The following CPNE2 variants were observed in gnomAD, a reference collection of about 807,000 sequenced individuals.
The protein encoded by CPNE2 is copine 2.
In CPNE2, 42 loss-of-function variants were observed where a neutral mutation model predicts 69.7. The observed-to-expected ratio is 0.60, with a 90% CI of 0.47 to 0.78. CPNE2 has a LOEUF of 0.78. Ranked by LOEUF, CPNE2 falls within the 30% of genes least tolerant of loss-of-function variation. The pLI is 0.00. For synonymous variants in CPNE2, 294 were observed against 289.8 expected (o/e 1.01, Z -0.15); for missense variants, 587 against 732.0 (o/e 0.80, Z 2.29).
At chr16:57,125,764 C>A in intron 10 of CPNE2, 96 bp from the exon 11 acceptor site, 1 of 1,474,660 alleles carries the variant, frequency 6.8e-7, no homozygotes. Context: ...GATGAGTGGG[C>A]TTCCCATGTC....
intron 5 of CPNE2, 133 bp downstream of exon 5, chr16:57,117,700 C>T (rs2069730127): frequency 2.1e-6 from 2 of 931,348 alleles, no homozygotes; most frequent in Admixed American, 2.1e-5. Context: ...ACGGGGCCCT[C>T]CTGGCCACTC....
At chr16:57,122,056 A>G (rs548801585) in intron 9 of CPNE2, among the ~76,000 whole-genome samples, 2 of 152,356 alleles carry the variant, frequency 1.3e-5, no homozygotes, top group African/African-American at 4.8e-5. Context: ...GAGAATTGTC[A>G]TTGCGAGTTG....
In CPNE2 at chr16:57,146,899, T is replaced by A. The variant is rs2069962755; in HGVS notation, c.1539+578T>A. ...ATCACTGCCCTAGCAGCAGGGTCCATGAGGAGTCCCATAGGGGAGCAGTCT... is the reference window on the plus strand; with the variant it reads ...ATCACTGCCCTAGCAGCAGGGTCCAAGAGGAGTCCCATAGGGGAGCAGTCT... On this transcript the variant is annotated intron_variant, in intron 15 of 15. Coordinates refer to ENST00000290776, the MANE Select transcript of CPNE2 (RefSeq NM_152727.6). The surrounding 1 kb of genome is among the most constrained non-coding windows in gnomAD (Gnocchi z 4.4). 6.3e-6 allele frequency: 1 copy of A among 158,454 alleles called. No homozygotes were observed. The highest frequency in any genetic ancestry group is 1.4e-5 in the Non-Finnish European group (1 of 71,698). The allele number at this position is 158,454 out of a possible 1,614,324, so 9.8% of individuals were successfully genotyped here. A position where few individuals can be genotyped will look rare whatever the true frequency, so the allele number is the denominator to read the frequency against.
At position 57,095,974 on chromosome 16, in the gene CPNE2, G is replaced by C. The variant is rs965926421; in HGVS notation, c.-36+3184G>C. ...CCAAAGGGTGTCAGATCCACAAAAA[G>C]GCAAGAGCAAACAGTGTCTGTCTTG... is the stretch of plus-strand genomic sequence containing the variant. On this transcript the variant is annotated intron_variant, in intron 1 of 15. Coordinates refer to ENST00000290776, the MANE Select transcript of CPNE2 (RefSeq NM_152727.6). Among the ~76,000 whole-genome samples, 28 of 152,242 alleles carry C rather than the reference G, an allele frequency of 1.8e-4. 1 individual carries two copies. The highest frequency in any genetic ancestry group is 6.8e-4 in the African/African-American group (28 of 41,470).
At chr16:57,119,753 A>T in intron 7 of CPNE2, 103 bp downstream of exon 7, 1 of 716,578 alleles carries the variant, frequency 1.4e-6, no homozygotes, top group Non-Finnish European at 2.3e-6. Flanking sequence ...TTCTCATACA[A>T]GTGGAACGAA....
chr16:57,138,230 C>T (rs1240601567), intron 14 of CPNE2, among the ~76,000 whole-genome samples: 11 of 152,156 alleles, frequency 7.2e-5, no homozygotes, highest in Admixed American at 7.2e-4. Flanking sequence ...CTTCCACCTC[C>T]ATTGAAAGAA....
At chr16:57,117,604 G>A (rs2069729290) in intron 5 of CPNE2, 37 bp downstream of exon 5, 1 of 1,606,120 alleles carries the variant, frequency 6.2e-7, no homozygotes, top group Non-Finnish European at 8.5e-7. Flanking sequence ...ATTGGGAACA[G>A]TAGCCCCCAC....
intron 1 of CPNE2, among the ~76,000 whole-genome samples, chr16:57,103,822 G>A (rs1343503772): frequency 6.6e-6 from 1 of 152,220 alleles, no homozygotes; most frequent in African/African-American, 2.4e-5. Context: ...CAGCCATTAA[G>A]AATCACTGAT....
chr16:57,119,116 G>A (rs2069741871), intron 5 of CPNE2, 79 bp from the exon 6 acceptor site: 4 of 1,261,512 alleles, frequency 3.2e-6, no homozygotes, highest in Non-Finnish European at 4.6e-6. Context: ...CGGCTGGGGA[G>A]GCAGCAGGGC....
chr16:57,124,375 C>A (rs1176305240), intron 10 of CPNE2: 1 of 456,408 alleles, frequency 2.2e-6, no homozygotes, highest in Non-Finnish European at 4.4e-6. Flanking sequence ...AGTCACTGGG[C>A]CTGGCCCTCA....
intron 2 of CPNE2, 73 bp downstream of exon 2, chr16:57,110,995 C>T (rs1424754668): frequency 2.8e-6 from 4 of 1,424,802 alleles, no homozygotes; most frequent in Non-Finnish European, 2.9e-6. Context: ...TCTCCCAGGA[C>T]TGGGATCCAG....
Position 57,137,229 on chromosome 16 carries a change from G to C in CPNE2, c.1249G>C (p.Val417Leu), listed in dbSNP as rs186013874. The C allele has an allele frequency of 1.4e-5, 22 of 1,614,084 alleles. No homozygotes were observed. The highest frequency in any genetic ancestry group is 1.7e-5 in the Non-Finnish European group (20 of 1,180,024). Residue 417 changes from valine to leucine, a missense_variant, in exon 14 of 16, where the codon GTC becomes CTC. Physicochemically the swap from Val to Leu is conservative, Grantham distance 32 (BLOSUM62 1). Around this residue, in one of 5 missense-constraint regions of CPNE2, gnomAD observed 185 missense variants for 252.3 expected, o/e 0.73. Coordinates refer to ENST00000290776, the MANE Select transcript of CPNE2 (RefSeq NM_152727.6). ...FYGPTNFSPI[V>L]NHVARFAAQA... Reference sequence around the variant, plus strand: ...CGGTCCTACCAATTTCTCCCCCATCGTCAACCACGTGGCCCGGTTTGCGGC... The same window carrying C: ...CGGTCCTACCAATTTCTCCCCCATCCTCAACCACGTGGCCCGGTTTGCGGC...
chr16:57,125,573 G>C (rs1350949439), intron 10 of CPNE2: 1 of 461,668 alleles, frequency 2.2e-6, no homozygotes, highest in African/African-American at 2.0e-5. Flanking sequence ...TGAATGTGTG[G>C]ATAGGGATAG....
Position 57,147,613 on chromosome 16 carries a change from T to C in CPNE2, c.1602T>C (p.Tyr534=), listed in dbSNP as rs1489057259. ...LAELPQQVVQ[Y]FKHKNLPPTN... ...AGCTGCCCCAACAAGTTGTGCAGTATTTCAAGCATAAAAACCTGCCCCCCA... is the reference window on the plus strand; with the variant it reads ...AGCTGCCCCAACAAGTTGTGCAGTACTTCAAGCATAAAAACCTGCCCCCCA... Residue 534 remains tyrosine, a synonymous_variant, in exon 16 of 16, where the codon TAT becomes TAC. Transcript: ENST00000290776. 2 of 1,608,678 alleles carry C rather than the reference T, an allele frequency of 1.2e-6. No homozygotes were observed. The highest frequency in any genetic ancestry group is 1.7e-6 in the Non-Finnish European group (2 of 1,176,292).
intron 2 of CPNE2, among the ~76,000 whole-genome samples, chr16:57,112,030 T>G (rs1328782225): frequency 6.6e-6 from 1 of 152,246 alleles, no homozygotes; most frequent in Non-Finnish European, 1.5e-5. Flanking sequence ...TATATGCATG[T>G]ATATTTCCCA....
At position 57,147,862 on chromosome 16, in the gene CPNE2, G is replaced by A; in HGVS notation, c.*204G>A. ...ACTGTTGATGCTTCCAGGCCAAACT[G>A]GCTTCCTCTCCTCCTCTCCCCACCT... On this transcript the variant is annotated 3_prime_UTR_variant, in exon 16 of 16. Coordinates refer to ENST00000290776, the MANE Select transcript of CPNE2 (RefSeq NM_152727.6). 4.9e-6 allele frequency: 2 copies of A among 407,820 alleles called. No individual in the cohort carries two copies. Among genetic ancestry groups the A allele is most frequent in the Non-Finnish European group, 8.7e-6 (2 of 230,450 alleles). The allele number at this position is 407,820 out of a possible 1,614,324, so 25.3% of individuals were successfully genotyped here. A position where few individuals can be genotyped will look rare whatever the true frequency, so the allele number is the denominator to read the frequency against.
intron 14 of CPNE2, among the ~76,000 whole-genome samples, chr16:57,138,460 C>G (rs1002124212): frequency 1.3e-5 from 2 of 152,144 alleles, no homozygotes; most frequent in African/African-American, 4.8e-5. Flanking sequence ...GATTGGATCC[C>G]CTGAGGCCAG....
chr16:57,118,680 GGATGGATGGATAGATA>G, intron 5 of CPNE2, among the ~76,000 whole-genome samples: 1 of 151,756 alleles, frequency 6.6e-6, no homozygotes, highest in South Asian at 2.1e-4. Context: ...ATGGATGGAT[GGATGGATGGATAGATA>G]GATAGATAGA....
At chr16:57,133,668 T>C (rs2069855053) in intron 12 of CPNE2, among the ~76,000 whole-genome samples, 1 of 152,108 alleles carries the variant, frequency 6.6e-6, no homozygotes. Flanking sequence ...ACCCTCCTCA[T>C]TGAAAATCCC....
Sources: gnomAD v4.1 joint callset for allele counts (sites outside exome capture counted in the v4.1 genomes callset) on GRCh38, gnomAD v4.1.1 for gene constraint, gnomAD v4.1.1 regional missense constraint, Gnocchi (gnomAD v3.1) non-coding constraint, MANE v1.5 for transcripts, NCBI Gene and HGNC (gene_info 2026-07-23, HGNC 2026-07-21) for gene names.